The following CGNL1 variants were observed in gnomAD, a reference collection of about 807,000 sequenced individuals.
The protein encoded by CGNL1 is cingulin like 1.
Under a neutral mutation model 141.2 loss-of-function variants are expected in CGNL1, and 132 were observed. That is an observed-to-expected ratio of 0.93 (90% CI 0.81 to 1.08). The LOEUF is 1.08. Ranked by LOEUF, CGNL1 falls within the 50% of genes least tolerant of loss-of-function variation. CGNL1 has a pLI of 0.00. For synonymous variants in CGNL1, 690 were observed against 622.1 expected (o/e 1.11, Z -1.63); for missense variants, 1,870 against 1,588.6 (o/e 1.18, Z -3.01).
intron 13 of CGNL1, among the ~76,000 whole-genome samples, chr15:57,531,153 C>T (rs1307244572): frequency 6.6e-6 from 1 of 152,248 alleles, no homozygotes; most frequent in Non-Finnish European, 1.5e-5. Context: ...ATGAGTTTAA[C>T]AGAATTGGTT....
chr15:57,519,141 T>C (rs2031065641), intron 10 of CGNL1, among the ~76,000 whole-genome samples: 1 of 152,234 alleles, frequency 6.6e-6, no homozygotes, highest in Non-Finnish European at 1.5e-5. Flanking sequence ...AAGAAAGGCC[T>C]GTACTGCCGT....
At chr15:57,416,888 C>A (rs2062854872) in intron 1 of CGNL1, among the ~76,000 whole-genome samples, 1 of 152,196 alleles carries the variant, frequency 6.6e-6, no homozygotes, top group Non-Finnish European at 1.5e-5. Flanking sequence ...CCCCAACCAA[C>A]ATCTATTCCA....
intron 9 of CGNL1, 101 bp downstream of exon 9, chr15:57,517,087 A>G: frequency 8.6e-7 from 1 of 1,159,312 alleles, no homozygotes; most frequent in South Asian, 1.4e-5. Context: ...GTCATGATGT[A>G]GTAGGAAAGG....
In CGNL1 at chr15:57,516,938, C is replaced by T. The variant is rs755214008; in HGVS notation, c.2562C>T (p.Asp854=). 1 of 1,613,900 alleles carries T rather than the reference C, an allele frequency of 6.2e-7. No individual in the cohort carries two copies. The highest frequency in any genetic ancestry group is 1.3e-5 in the African/African-American group (1 of 74,902). The change falls in exon 9 of 19, where the codon GAC becomes GAT. Residue 854 remains aspartate (D), a synonymous_variant. Transcript: ENST00000281282. ...CTCAGCTTCAAAGGCAGATCGAGGACCTGAAAGGCGATGAAGCCAAGGCGA... is the reference window on the plus strand; with the variant it reads ...CTCAGCTTCAAAGGCAGATCGAGGATCTGAAAGGCGATGAAGCCAAGGCGA... ...RVAQLQRQIE[D]LKGDEAKAKE... is the part of the protein sequence containing the mutation.
At position 57,442,182 on chromosome 15, in the gene CGNL1, G is replaced by GGAAAAAAAAAAAAAA. The variant is rs1491455852; in HGVS notation, c.1698-191_1698-190insGAAAAAAAAAAAAAA. Among the ~76,000 whole-genome samples, 25 of 96,518 alleles carry GGAAAAAAAAAAAAAA rather than the reference G, an allele frequency of 2.6e-4. 1 individual carries two copies. Among genetic ancestry groups the GGAAAAAAAAAAAAAA allele is most frequent in the Admixed American group, 1.1e-3 (9 of 8,170 alleles). The allele number at this position is 96,518 out of a possible 152,430, so 63.3% of individuals were successfully genotyped here. ...TTGAGTGGTAACACATCATTTATTT[G>GGAAAAAAAAAAAAAA]AAAAAAAAAAAAAAAAAAAAAGACA... On this transcript the variant is annotated intron_variant, in intron 3 of 18. Coordinates refer to ENST00000281282, the MANE Select transcript of CGNL1 (RefSeq NM_032866.5).
At chr15:57,462,176 G>T (rs568902029) in intron 8 of CGNL1, among the ~76,000 whole-genome samples, 1 of 152,204 alleles carries the variant, frequency 6.6e-6, no homozygotes, top group African/African-American at 2.4e-5. Flanking sequence ...GCAGCCCCTT[G>T]CAGAGTGGAG....
intron 1 of CGNL1, chr15:57,406,919 T>G (rs1488010543): frequency 6.6e-6 from 1 of 152,270 alleles, no homozygotes; most frequent in Non-Finnish European, 1.5e-5. Context: ...ACAATCAGTT[T>G]AAGTAAGCTA....
Position 57,518,490 on chromosome 15 carries a change from C to T in CGNL1, c.2708C>T (p.Ala903Val), listed in dbSNP as rs772564648. The T allele has an allele frequency of 1.9e-6, 3 of 1,607,538 alleles. No individual in the cohort carries two copies. The highest frequency in any genetic ancestry group is 2.2e-5 in the South Asian group (2 of 89,922). Reference protein sequence around the residue: ...ARRALENELEAAQGNLSQTTQ... With the variant: ...ARRALENELEVAQGNLSQTTQ... Reference sequence around the variant, plus strand: ...AGGGCCCTGGAGAATGAACTGGAGGCTGCTCAGGTAAACACCAAGGGCTGT... The same window carrying T: ...AGGGCCCTGGAGAATGAACTGGAGGTTGCTCAGGTAAACACCAAGGGCTGT... Residue 903 changes from alanine (A) to valine (V), a missense_variant, in exon 10 of 19, where the codon GCT (alanine) becomes GTT (valine). Physicochemically the swap from Ala to Val is moderately conservative, Grantham distance 64. Transcript: ENST00000281282.
chr15:57,445,069 C>T (rs1337024913), intron 4 of CGNL1, among the ~76,000 whole-genome samples: 2 of 152,056 alleles, frequency 1.3e-5, no homozygotes, highest in Admixed American at 1.3e-4. Flanking sequence ...TGAGACCAGC[C>T]TGGGCAATGT....
At chr15:57,483,608 T>C (rs11857569) in intron 8 of CGNL1, among the ~76,000 whole-genome samples, 21,176 of 152,098 alleles carry the variant, frequency 0.14, 1,669 homozygotes, top group Non-Finnish European at 0.18. Flanking sequence ...TTGCTACTTA[T>C]TTCCTGCCTT....
intron 18 of CGNL1, 49 bp downstream of exon 18, chr15:57,546,288 G>T: frequency 6.6e-7 from 1 of 1,509,078 alleles, no homozygotes; most frequent in Non-Finnish European, 8.9e-7. Flanking sequence ...CCCCACAGTT[G>T]AGACAGGCTC....
chr15:57,415,844 T>G (rs1425609065), intron 1 of CGNL1, among the ~76,000 whole-genome samples: 2 of 152,240 alleles, frequency 1.3e-5, no homozygotes, highest in African/African-American at 4.8e-5. Flanking sequence ...GGGCTCCTTC[T>G]GTAGTAGCTC....
intron 1 of CGNL1, among the ~76,000 whole-genome samples, chr15:57,420,465 G>T (rs1353441563): frequency 1.3e-5 from 2 of 152,032 alleles, no homozygotes; most frequent in African/African-American, 4.8e-5. Context: ...TCCTCCCCTT[G>T]CATGTCTATA....
chr15:57,540,379 C>T (rs2032500169), intron 14 of CGNL1, among the ~76,000 whole-genome samples: 1 of 152,098 alleles, frequency 6.6e-6, no homozygotes, highest in African/African-American at 2.4e-5. Flanking sequence ...CAAAAGAGAC[C>T]ATGTGCAGGG....
At chr15:57,388,248 G>A (rs2062504889) in intron 1 of CGNL1, among the ~76,000 whole-genome samples, 1 of 152,180 alleles carries the variant, frequency 6.6e-6, no homozygotes, top group Non-Finnish European at 1.5e-5. Flanking sequence ...CCCGAGAAGA[G>A]GAAGCAGGCT....
In CGNL1 at chr15:57,483,342, C is replaced by G. The variant is rs533561500; in HGVS notation, c.2403+21450C>G. Among the ~76,000 whole-genome samples the G allele has an allele frequency of 2.6e-5, 4 of 152,238 alleles. No homozygotes were observed. The East Asian group carries it at 7.7e-4, about 29-fold the overall frequency. On this transcript the variant is annotated intron_variant, in intron 8 of 18. Transcript: ENST00000281282. ...AGTGATTATAAATGGTATATTTTTA[C>G]ATTTTAGTATCCTTCTGTTCATTGC...
At chr15:57,507,591 G>A (rs890346555) in intron 8 of CGNL1, among the ~76,000 whole-genome samples, 4 of 152,186 alleles carry the variant, frequency 2.6e-5, no homozygotes, top group African/African-American at 9.7e-5. Flanking sequence ...TGCCACCAGG[G>A]CAACAGAAAT....
intron 4 of CGNL1, 134 bp downstream of exon 4, chr15:57,442,612 T>C (rs759924903): frequency 1.8e-6 from 1 of 548,760 alleles, no homozygotes; most frequent in Non-Finnish European, 3.3e-6. Flanking sequence ...GTACTCTTCA[T>C]GTTTTACATG....
intron 1 of CGNL1, among the ~76,000 whole-genome samples, chr15:57,414,233 C>T (rs1484550651): frequency 6.6e-6 from 1 of 152,146 alleles, no homozygotes; most frequent in Non-Finnish European, 1.5e-5. Flanking sequence ...ATCCTTTGGG[C>T]TCCCTGCATG....
Sources: allele counts gnomAD v4.1 joint callset (sites outside exome capture counted in the v4.1 genomes callset), GRCh38; gene constraint gnomAD v4.1.1; transcripts MANE v1.5; gene names NCBI Gene and HGNC (gene_info 2026-07-23, HGNC 2026-07-21).